The following OSBPL9 variants were observed in gnomAD, a reference collection of about 807,000 sequenced individuals.
OSBPL9 encodes oxysterol binding protein like 9.
OSBPL9 carries 40 observed loss-of-function variants against 106.6 expected under a neutral mutation model. The ratio of observed to expected loss-of-function variants is 0.38; its 90% CI spans 0.29 to 0.49. The LOEUF is 0.49. Among genes scored for constraint, OSBPL9 ranks in the 20% least tolerant of loss-of-function variants. The pLI is 0.97. For synonymous variants in OSBPL9, 269 were observed against 295.4 expected (o/e 0.91, Z 0.92); for missense variants, 609 against 887.2 (o/e 0.69, Z 3.98).
the OSBPL9 span, among the ~76,000 whole-genome samples, chr1:51,539,241 A>ATC: frequency 6.6e-6 from 1 of 151,996 alleles, no homozygotes; most frequent in Admixed American, 6.6e-5. Context: ...TCGAGTCCTA[A>ATC]TCTCTGTAAA....
intron 3 of OSBPL9, among the ~76,000 whole-genome samples, chr1:51,679,112 C>A (rs369482518): frequency 2.0e-5 from 3 of 152,108 alleles, no homozygotes; most frequent in Admixed American, 6.5e-5. Flanking sequence ...GTAGGGAAAT[C>A]TACTGAATTC....
At chr1:51,542,616 T>C in the OSBPL9 span, among the ~76,000 whole-genome samples, 2 of 152,260 alleles carry the variant, frequency 1.3e-5, no homozygotes, top group African/African-American at 2.4e-5. Context: ...ATAATTACCA[T>C]GTGCCAGGCA....
chr1:51,543,107 A>C, the OSBPL9 span, among the ~76,000 whole-genome samples: 1 of 152,198 alleles, frequency 6.6e-6, no homozygotes, highest in East Asian at 1.9e-4. Flanking sequence ...TCCTGGTCCA[A>C]ATTCTGAAAA....
chr1:51,688,499 C>T (rs2148820067), intron 3 of OSBPL9, among the ~76,000 whole-genome samples: 1 of 152,160 alleles, frequency 6.6e-6, no homozygotes, highest in East Asian at 1.9e-4. Context: ...CATCTATAAT[C>T]CTAGCTACTT....
At chr1:51,554,066 G>T in the OSBPL9 span, among the ~76,000 whole-genome samples, 1 of 152,212 alleles carries the variant, frequency 6.6e-6, no homozygotes, top group Non-Finnish European at 1.5e-5. Flanking sequence ...TAAGGTGGGA[G>T]GATTGCTTGA....
At chr1:51,605,576 C>A (rs1249956531) in intron 2 of OSBPL9, among the ~76,000 whole-genome samples, 1 of 152,008 alleles carries the variant, frequency 6.6e-6, no homozygotes, top group Non-Finnish European at 1.5e-5. Flanking sequence ...TCCCAAGGAT[C>A]AATAATGGCA....
chr1:51,632,512 C>T (rs1166932103), intron 1 of OSBPL9, among the ~76,000 whole-genome samples: 5 of 119,614 alleles, frequency 4.2e-5, no homozygotes, highest in Non-Finnish European at 9.4e-5. Flanking sequence ...AACCTGTTAT[C>T]ACTAGTTTGC....
chr1:51,720,822 G>T (rs1213491854), intron 4 of OSBPL9, among the ~76,000 whole-genome samples: 18 of 142,680 alleles, frequency 1.3e-4, no homozygotes, highest in African/African-American at 4.8e-4. Flanking sequence ...TTTTGAGACG[G>T]AGTCTCATTC....
chr1:51,648,065 G>GT (rs1386145004), intron 1 of OSBPL9, among the ~76,000 whole-genome samples: 12 of 152,208 alleles, frequency 7.9e-5, no homozygotes, highest in African/African-American at 2.9e-4. Flanking sequence ...GGCAGAGAGA[G>GT]TGACAGTTAC....
chr1:51,712,166 C>T (rs1197530431), intron 3 of OSBPL9, among the ~76,000 whole-genome samples: 4 of 152,192 alleles, frequency 2.6e-5, no homozygotes, highest in African/African-American at 4.8e-5. Context: ...ATCCCGGCAC[C>T]TCGGGAGGCC....
At chr1:51,755,605 A>C (rs1359921407) in intron 8 of OSBPL9, among the ~76,000 whole-genome samples, 3 of 152,228 alleles carry the variant, frequency 2.0e-5, no homozygotes, top group Non-Finnish European at 1.5e-5. Flanking sequence ...CGCGATCACA[A>C]GGGTAGCCAG....
At chr1:51,571,137 AG>A in the OSBPL9 span, among the ~76,000 whole-genome samples, 1 of 152,122 alleles carries the variant, frequency 6.6e-6, no homozygotes, top group Non-Finnish European at 1.5e-5. Context: ...TGTTGAAACT[AG>A]GTTTATTTCA....
chr1:51,738,021 C>T (rs1485222306), intron 4 of OSBPL9, among the ~76,000 whole-genome samples: 1 of 152,006 alleles, frequency 6.6e-6, no homozygotes, highest in Non-Finnish European at 1.5e-5. Flanking sequence ...ATCCTATTTA[C>T]AGACTTAAGT....
upstream of OSBPL9, among the ~76,000 whole-genome samples, chr1:51,575,013 GTGCC>G (rs1645174699): frequency 1.3e-5 from 2 of 152,320 alleles, no homozygotes; most frequent in Admixed American, 1.3e-4. Flanking sequence ...CAAATGTTCA[GTGCC>G]TTTCTGATTT....
chr1:51,779,194 C>G (rs1166855220), intron 15 of OSBPL9, among the ~76,000 whole-genome samples: 1 of 152,170 alleles, frequency 6.6e-6, no homozygotes, highest in Non-Finnish European at 1.5e-5. Flanking sequence ...AAGCAAAACA[C>G]TAAGACCCAG....
chr1:51,660,270 A>G (rs1407362964), intron 2 of OSBPL9, among the ~76,000 whole-genome samples: 3 of 152,222 alleles, frequency 2.0e-5, no homozygotes, highest in Non-Finnish European at 4.4e-5. Context: ...AGCAGAAAGC[A>G]TAAACCACAA....
Position 51,772,719 on chromosome 1 carries a change from C to G in OSBPL9, c.1166C>G (p.Thr389Ser), listed in dbSNP as rs372234356. 10 of 1,613,108 alleles carry G rather than the reference C, an allele frequency of 6.2e-6. No homozygotes were observed. The highest frequency in any genetic ancestry group is 7.6e-6 in the Non-Finnish European group (9 of 1,179,200). Reference sequence around the variant, plus strand: ...CAGGTTAGACTTGGAATGGATCTTACTAAGGTAAGACCAAATTTGCTGTAA... The same window carrying G: ...CAGGTTAGACTTGGAATGGATCTTAGTAAGGTAAGACCAAATTTGCTGTAA... ...LSQVRLGMDL[T>S]KVVLPTFILE... The change falls in exon 14 of 24, where the codon ACT becomes AGT. Residue 389 changes from threonine (T) to serine (S), a missense_variant. Coordinates refer to ENST00000428468, the MANE Select transcript of OSBPL9 (RefSeq NM_024586.6).
Position 51,667,664 on chromosome 1 carries a change from A to G in OSBPL9, c.163-1770A>G, listed in dbSNP as rs554089920. On this transcript the variant is annotated intron_variant, in intron 2 of 23. Coordinates refer to ENST00000428468, the MANE Select transcript of OSBPL9 (RefSeq NM_024586.6). ...ATATTTTGGTATTTAGTTATGGCTCAGGAAATATTTGATACATCACAAGTT... is the reference window on the plus strand; with the variant it reads ...ATATTTTGGTATTTAGTTATGGCTCGGGAAATATTTGATACATCACAAGTT... Among the ~76,000 whole-genome samples the G allele has an allele frequency of 3.5e-4, 54 of 152,384 alleles. 2 individuals carry two copies. Among genetic ancestry groups the G allele is most frequent in the Admixed American group, 1.9e-3 (29 of 15,310 alleles).
At chr1:51,597,423 ATG>A (rs71063046) in intron 1 of OSBPL9, among the ~76,000 whole-genome samples, 33,586 of 134,574 alleles carry the variant, frequency 0.25, 4,208 homozygotes, top group South Asian at 0.39. Flanking sequence ...ATATATATAT[ATG>A]TGTGTGTGTG....
Sources: gnomAD v4.1 joint callset for allele counts (sites outside exome capture counted in the v4.1 genomes callset) on GRCh38, gnomAD v4.1.1 for gene constraint, MANE v1.5 for transcripts, NCBI Gene and HGNC (gene_info 2026-07-23, HGNC 2026-07-21) for gene names.